Variants in OSBPL11 observed in about 807,000 individuals in gnomAD.
OSBPL11 encodes the protein oxysterol-binding protein-related protein 11.
A neutral mutation model predicts 84.4 loss-of-function variants in OSBPL11; 33 were observed. The observed-to-expected ratio is 0.39, with a 90% CI of 0.30 to 0.52. The LOEUF (loss-of-function observed/expected upper bound fraction) is 0.52. Ranked by LOEUF, OSBPL11 falls within the 20% of genes least tolerant of loss-of-function variation. The pLI is 0.72. For missense variants in OSBPL11, 736 were observed against 901.1 expected (o/e 0.82, Z 2.35); for synonymous variants, 276 against 310.2 (o/e 0.89, Z 1.16).
In OSBPL11 at chr3:125,575,621, C is replaced by G. The variant is rs528172668; in HGVS notation, c.666+568G>C. Among the ~76,000 whole-genome samples, 241 of 152,014 alleles carry G rather than the reference C, an allele frequency of 1.6e-3. 7 individuals carry two copies. Among genetic ancestry groups the G allele is most frequent in the South Asian group, 4.2e-3 (20 of 4,800 alleles). On this transcript the variant is annotated intron_variant, in intron 5 of 12. Coordinates refer to ENST00000296220, the MANE Select transcript of OSBPL11 (RefSeq NM_022776.5). ...CATAAATCACTGCAACCTCAAACTC[C>G]CAGGCTTAAGGAGTTCTCCCACCTC...
At chr3:125,565,700 T>C (rs1443339168) in intron 6 of OSBPL11, among the ~76,000 whole-genome samples, 1 of 152,234 alleles carries the variant, frequency 6.6e-6, no homozygotes, top group African/African-American at 2.4e-5. Flanking sequence ...AGTATGTTGC[T>C]TTGTAAGAAG....
chr3:125,546,458 G>C (rs1371354961), intron 10 of OSBPL11, among the ~76,000 whole-genome samples: 1 of 151,936 alleles, frequency 6.6e-6, no homozygotes, highest in African/African-American at 2.4e-5. Flanking sequence ...CTTGCCTCCT[G>C]AATAGCTGGG....
intron 4 of OSBPL11, among the ~76,000 whole-genome samples, 183 bp from the exon 5 acceptor site, chr3:125,576,548 C>T (rs911941699): frequency 1.3e-5 from 2 of 152,206 alleles, no homozygotes; most frequent in African/African-American, 4.8e-5. Flanking sequence ...AAGCATTTTA[C>T]ATATCCCAAA....
At chr3:125,571,507 G>A (rs35290954) in intron 5 of OSBPL11, among the ~76,000 whole-genome samples, 10,212 of 152,160 alleles carry the variant, frequency 0.067, 470 homozygotes, top group Non-Finnish European at 0.099. Flanking sequence ...TCTCATCATA[G>A]GCCCGGAGGC....
intron 5 of OSBPL11, among the ~76,000 whole-genome samples, chr3:125,569,070 G>A (rs4679408): frequency 0.067 from 10,159 of 151,922 alleles, 464 homozygotes; most frequent in Non-Finnish European, 0.098. Flanking sequence ...TCAGCCTCCC[G>A]GGTAGCTGGA....
At chr3:125,563,376 A>C (rs1047273765) in intron 7 of OSBPL11, among the ~76,000 whole-genome samples, 3 of 152,202 alleles carry the variant, frequency 2.0e-5, no homozygotes, top group Non-Finnish European at 1.5e-5. Context: ...TAAGAAACAT[A>C]AGAGACAAAC....
chr3:125,562,405 C>T (rs1173419057), intron 7 of OSBPL11, among the ~76,000 whole-genome samples: 1 of 152,154 alleles, frequency 6.6e-6, no homozygotes, highest in Non-Finnish European at 1.5e-5. Flanking sequence ...CAAACAGCTA[C>T]AGAGAAATAA....
At chr3:125,579,199 C>A (rs1936382457) in intron 3 of OSBPL11, among the ~76,000 whole-genome samples, 160 bp from the exon 4 acceptor site, 1 of 152,112 alleles carries the variant, frequency 6.6e-6, no homozygotes, top group African/African-American at 2.4e-5. Flanking sequence ...GGCCAAAGCA[C>A]CAACGTTGTT....
chr3:125,567,504 TC>T lies in OSBPL11; in HGVS notation c.757del (p.Asp253IlefsTer3). ...TSGHLSSLDQ[D>X]LLMLKATSMA... ...GGAAGTAGCTTTGAGCATTAAGAGATCCTGGTCCAAGGAACTAAGATGGCCA... is the reference window on the plus strand; with the variant it reads ...GGAAGTAGCTTTGAGCATTAAGAGATCTGGTCCAAGGAACTAAGATGGCCA... On this transcript the variant is annotated frameshift_variant, in exon 6 of 13. Coordinates refer to ENST00000296220, the MANE Select transcript of OSBPL11 (RefSeq NM_022776.5). LOFTEE classifies it high-confidence loss of function. The T allele has an allele frequency of 6.2e-7, 1 of 1,614,014 alleles. No individual in the cohort carries two copies. Among genetic ancestry groups the T allele is most frequent in the Non-Finnish European group, 8.5e-7 (1 of 1,179,894 alleles).
At chr3:125,532,577 C>CAAAAAAAAAAAAA (rs371653670) in intron 11 of OSBPL11, among the ~76,000 whole-genome samples, 2 of 53,980 alleles carry the variant, frequency 3.7e-5, no homozygotes, top group Non-Finnish European at 4.1e-5. Flanking sequence ...AAATCTCAAG[C>CAAAAAAAAAAAAA]AAAAAAAAAA....
chr3:125,562,264 GATT>G (rs1216660841), intron 7 of OSBPL11, among the ~76,000 whole-genome samples: 4 of 152,178 alleles, frequency 2.6e-5, no homozygotes. Flanking sequence ...ACTCCAAGCA[GATT>G]ATAAGTCTCT....
chr3:125,538,728 T>C, intron 10 of OSBPL11, 95 bp from the exon 11 acceptor site: 3 of 1,108,290 alleles, frequency 2.7e-6, no homozygotes, highest in South Asian at 1.7e-5. Context: ...GTGAATCCTG[T>C]TGAAATTAGT....
chr3:125,576,579 G>T (rs918543762), intron 4 of OSBPL11, among the ~76,000 whole-genome samples: 1 of 152,024 alleles, frequency 6.6e-6, no homozygotes, highest in African/African-American at 2.4e-5. Flanking sequence ...AATTTATTTA[G>T]AAAATTATTT....
chr3:125,551,087 C>T (rs554901511), intron 9 of OSBPL11, among the ~76,000 whole-genome samples: 8 of 149,194 alleles, frequency 5.4e-5, no homozygotes, highest in African/African-American at 9.9e-5. Flanking sequence ...TGGCTTGAGC[C>T]GAGTAGGTCA....
Position 125,539,795 on chromosome 3 carries a change from A to G in OSBPL11, c.1842-1162T>C, listed in dbSNP as rs1580034892. 5.3e-5 allele frequency among the ~76,000 whole-genome samples: 8 copies of G among 152,168 alleles called. No individual in the cohort carries two copies. The South Asian group carries it at 1.4e-3, about 28-fold the overall frequency. Reference sequence around the variant, plus strand: ...ATTTTATGTTCACTCTAGGACACAGATAACAACAGGGTCAGATTAGACAGA... The same window carrying G: ...ATTTTATGTTCACTCTAGGACACAGGTAACAACAGGGTCAGATTAGACAGA... On this transcript the variant is annotated intron_variant, in intron 10 of 12. Coordinates refer to ENST00000296220, the MANE Select transcript of OSBPL11 (RefSeq NM_022776.5).
intron 10 of OSBPL11, among the ~76,000 whole-genome samples, chr3:125,539,717 G>A (rs1192457508): frequency 6.6e-6 from 1 of 152,092 alleles, no homozygotes; most frequent in Non-Finnish European, 1.5e-5. Flanking sequence ...CCAAAGTGCT[G>A]GGATTACAGG....
chr3:125,577,175 A>C (rs1008194117), intron 4 of OSBPL11, among the ~76,000 whole-genome samples: 8 of 152,168 alleles, frequency 5.3e-5, no homozygotes, highest in Non-Finnish European at 2.9e-5. Context: ...AACAGTTTTT[A>C]AAAATTCACT....
At position 125,581,169 on chromosome 3, in the gene OSBPL11, T is replaced by C. The variant is rs555171843; in HGVS notation, c.234-1129A>G. Reference sequence around the variant, plus strand: ...GTGCAGTGGCACCACCTTGACTCACTGCAACCTCTGCCTCCCAGGTTCAAG... The same window carrying C: ...GTGCAGTGGCACCACCTTGACTCACCGCAACCTCTGCCTCCCAGGTTCAAG... On this transcript the variant is annotated intron_variant, in intron 2 of 12. Transcript: ENST00000296220. 1.5e-3 allele frequency among the ~76,000 whole-genome samples: 222 copies of C among 151,920 alleles called. 1 individual carries two copies. Among genetic ancestry groups the C allele is most frequent in the African/African-American group, 5.3e-3 (218 of 41,478 alleles).
At chr3:125,570,642 T>G (rs944593155) in intron 5 of OSBPL11, among the ~76,000 whole-genome samples, 1 of 152,184 alleles carries the variant, frequency 6.6e-6, no homozygotes, top group African/African-American at 2.4e-5. Context: ...GTTCTCATGA[T>G]AGTGAATAAG....
Sources: gnomAD v4.1 joint callset for allele counts (sites outside exome capture counted in the v4.1 genomes callset) on GRCh38, gnomAD v4.1.1 for gene constraint, MANE v1.5 for transcripts, NCBI Gene and HGNC (gene_info 2026-07-23, HGNC 2026-07-21) for gene names.